The following INPP4B variants were observed in gnomAD, a reference collection of about 807,000 sequenced individuals.
INPP4B encodes inositol polyphosphate 4-phosphatase type II.
INPP4B carries 55 observed loss-of-function variants against 122.5 expected under a neutral mutation model. The ratio of observed to expected loss-of-function variants is 0.45; its 90% CI spans 0.36 to 0.56. The LOEUF is 0.56. Ranked by LOEUF, INPP4B falls within the 20% of genes least tolerant of loss-of-function variation. The probability of loss-of-function intolerance (pLI) is 0.00; values close to 1 mark genes in which losing one functional copy is unlikely to be tolerated. For missense variants in INPP4B, 1,000 were observed against 1,097.7 expected (o/e 0.91, Z 1.26); for synonymous variants, 403 against 388.7 (o/e 1.04, Z -0.43).
At chr4:142,178,038 C>T (rs1168232906) in intron 15 of INPP4B, among the ~76,000 whole-genome samples, 2 of 152,126 alleles carry the variant, frequency 1.3e-5, no homozygotes, top group Non-Finnish European at 2.9e-5. Flanking sequence ...CCTGGACTTT[C>T]CCGCTGGACT....
intron 2 of INPP4B, among the ~76,000 whole-genome samples, chr4:142,682,322 C>T (rs1469110747): frequency 6.6e-6 from 1 of 151,628 alleles, no homozygotes; most frequent in Non-Finnish European, 1.5e-5. Flanking sequence ...TAAAACAATA[C>T]CTACTCAATC....
At chr4:142,356,678 G>T (rs1783723140) in intron 7 of INPP4B, among the ~76,000 whole-genome samples, 1 of 151,854 alleles carries the variant, frequency 6.6e-6, no homozygotes, top group African/African-American at 2.4e-5. Flanking sequence ...TGCATCTTTT[G>T]TCCTTTTATT....
intron 15 of INPP4B, among the ~76,000 whole-genome samples, chr4:142,176,941 A>G (rs1828592214): frequency 1.3e-5 from 2 of 152,138 alleles, no homozygotes; most frequent in Admixed American, 1.3e-4. Flanking sequence ...CTTATTCACA[A>G]AAGTTGCTTT....
At chr4:142,753,854 T>C (rs1216837914) in intron 1 of INPP4B, among the ~76,000 whole-genome samples, 1 of 152,068 alleles carries the variant, frequency 6.6e-6, no homozygotes, top group Admixed American at 6.6e-5. Flanking sequence ...AGTATACTTA[T>C]TACATGTAAT....
intron 2 of INPP4B, among the ~76,000 whole-genome samples, chr4:142,553,276 T>A (rs1353804917): frequency 6.6e-6 from 1 of 152,200 alleles, no homozygotes; most frequent in African/African-American, 2.4e-5. Flanking sequence ...CACAGAAGAC[T>A]CCACATTCCC....
At chr4:142,513,083 A>G (rs1211498880) in intron 2 of INPP4B, among the ~76,000 whole-genome samples, 8 of 152,200 alleles carry the variant, frequency 5.3e-5, no homozygotes, top group Admixed American at 3.9e-4. Context: ...GCTGAAATTC[A>G]TAATATGACA....
intron 12 of INPP4B, among the ~76,000 whole-genome samples, chr4:142,234,046 C>T (rs1855624051): frequency 6.6e-6 from 1 of 152,080 alleles, no homozygotes; most frequent in Non-Finnish European, 1.5e-5. Context: ...CTGGGTTCTA[C>T]AGGGAAGTAT....
At chr4:142,311,199 T>C (rs1394950034) in intron 8 of INPP4B, among the ~76,000 whole-genome samples, 1 of 152,198 alleles carries the variant, frequency 6.6e-6, no homozygotes, top group Non-Finnish European at 1.5e-5. Flanking sequence ...TGATAGGATG[T>C]ATATTAACAA....
intron 7 of INPP4B, among the ~76,000 whole-genome samples, chr4:142,319,018 G>C (rs10008872): frequency 3.2e-3 from 490 of 152,266 alleles, no homozygotes; most frequent in African/African-American, 0.011. Context: ...GGACAGCGAG[G>C]ACTGCTCCAT....
chr4:142,227,856 T>TA (rs60375355), intron 12 of INPP4B, among the ~76,000 whole-genome samples: 10,425 of 33,990 alleles, frequency 0.31, 2,046 homozygotes, highest in African/African-American at 0.39. Flanking sequence ...AGACTCTATC[T>TA]AAAAAAAAAA....
chr4:142,509,546 A>G (rs1321135315), intron 2 of INPP4B, among the ~76,000 whole-genome samples: 1 of 152,116 alleles, frequency 6.6e-6, no homozygotes, highest in Non-Finnish European at 1.5e-5. Context: ...GTCCCTGCAA[A>G]CGACATGAAC....
chr4:142,449,865 C>T (rs1275819590), intron 3 of INPP4B, among the ~76,000 whole-genome samples: 2 of 152,082 alleles, frequency 1.3e-5, no homozygotes, highest in Non-Finnish European at 2.9e-5. Flanking sequence ...GGGCTACAGG[C>T]CCACATTTAC....
chr4:142,611,029 T>A lies in INPP4B; in HGVS notation c.-191+114810A>T, dbSNP rs80302523. ...GAAAAGAGATTTAGTTTGCTCACAGTTCTGCAGGATATACAGAAAGAATGA... is the reference window on the plus strand; with the variant it reads ...GAAAAGAGATTTAGTTTGCTCACAGATCTGCAGGATATACAGAAAGAATGA... On this transcript the variant is annotated intron_variant, in intron 2 of 25. Coordinates refer to ENST00000262992, the MANE Select transcript of INPP4B (RefSeq NM_001101669.3). Among the ~76,000 whole-genome samples, 1,349 of 152,278 alleles carry A rather than the reference T, an allele frequency of 8.9e-3. 25 individuals carry two copies. Among genetic ancestry groups the A allele is most frequent in the African/African-American group, 0.031 (1,280 of 41,556 alleles).
intron 2 of INPP4B, among the ~76,000 whole-genome samples, chr4:142,705,506 A>G (rs1392506446): frequency 2.1e-5 from 3 of 144,486 alleles, no homozygotes; most frequent in African/African-American, 8.5e-5. Context: ...CACAAAGTCA[A>G]TCATATTCTC....
intron 18 of INPP4B, among the ~76,000 whole-genome samples, chr4:142,137,287 G>T (rs1804959967): frequency 1.4e-5 from 2 of 147,202 alleles, no homozygotes; most frequent in African/African-American, 5.1e-5. Context: ...AATGGGGAAA[G>T]GATTCCCTAT....
intron 2 of INPP4B, among the ~76,000 whole-genome samples, chr4:142,609,431 GA>G (rs1009560880): frequency 1.7e-4 from 25 of 148,178 alleles, no homozygotes; most frequent in African/African-American, 4.2e-4. Context: ...TATCCTAAAA[GA>G]AAAAAAAAAG....
At chr4:142,224,692 A>G (rs911078522) in intron 12 of INPP4B, among the ~76,000 whole-genome samples, 6 of 152,172 alleles carry the variant, frequency 3.9e-5, no homozygotes, top group Admixed American at 2.6e-4. Flanking sequence ...ATATAGATAC[A>G]TACATAGATA....
At chr4:142,227,208 T>C (rs1414787646) in intron 12 of INPP4B, among the ~76,000 whole-genome samples, 1 of 152,030 alleles carries the variant, frequency 6.6e-6, no homozygotes, top group African/African-American at 2.4e-5. Context: ...AAGGGATGGA[T>C]AGAAAAAGAA....
intron 7 of INPP4B, among the ~76,000 whole-genome samples, chr4:142,338,467 T>C (rs1046003092): frequency 6.6e-6 from 1 of 152,194 alleles, no homozygotes; most frequent in African/African-American, 2.4e-5. Flanking sequence ...CTCGATCTCC[T>C]GACCTCGTGA....
Sources: allele counts gnomAD v4.1 joint callset (sites outside exome capture counted in the v4.1 genomes callset), GRCh38; gene constraint gnomAD v4.1.1; transcripts MANE v1.5; gene names NCBI Gene and HGNC (gene_info 2026-07-23, HGNC 2026-07-21).